Variants in FAM20C observed in about 807,000 individuals in gnomAD.
FAM20C encodes extracellular serine/threonine protein kinase FAM20C.
A neutral mutation model predicts 51.5 loss-of-function variants in FAM20C; 40 were observed. That is an observed-to-expected ratio of 0.78 (90% CI 0.60 to 1.01). The LOEUF (loss-of-function observed/expected upper bound fraction) is 1.01. Ranked by LOEUF, FAM20C falls within the 50% of genes least tolerant of loss-of-function variation. The pLI is 0.00. For synonymous variants in FAM20C, 406 were observed against 380.6 expected, an observed-to-expected ratio of 1.07 and a Z score of -0.78; for missense variants, 861 against 844.7, an observed-to-expected ratio of 1.02 and a Z score of -0.24.
chr7:204,826 C>T (rs1786275971), intron 2 of FAM20C, among the ~76,000 whole-genome samples: 1 of 152,192 alleles, frequency 6.6e-6, no homozygotes, highest in Non-Finnish European at 1.5e-5. Context: ...TGTCCCCACA[C>T]TGCCGCTGTT....
At chr7:194,278 C>G (rs1210053973) in intron 1 of FAM20C, 1 of 154,730 alleles carries the variant, frequency 6.5e-6, no homozygotes, top group African/African-American at 2.4e-5. Flanking sequence ...TGCTGGCAGC[C>G]GTGAGGTGCA....
intron 1 of FAM20C, among the ~76,000 whole-genome samples, chr7:194,734 G>A (rs1332394993): frequency 6.6e-6 from 1 of 152,128 alleles, no homozygotes; most frequent in Non-Finnish European, 1.5e-5. Context: ...GGGAGAGACG[G>A]CCGCCCAGAG....
In FAM20C at chr7:255,717, TG is replaced by T. The variant is rs36173688; in HGVS notation, c.1073-128del. The T allele has an allele frequency of 4.4e-6, 4 of 914,678 alleles. No homozygotes were observed. In the East Asian group the frequency reaches 1.1e-4, roughly 24 times the overall value. 56.7% of individuals were successfully genotyped at this position (914,678 alleles called of 1,614,324 possible). On this transcript the variant is annotated intron_variant, in intron 5 of 9. Transcript: ENST00000313766. ...GGGTGGAGGTGTTTGCTGGGATTGA[TG>T]GGGAACTGTGGGTGAGTCCTGCCCA...
In FAM20C at chr7:207,175, G is replaced by C. The variant is rs191782354; in HGVS notation, c.785-1723G>C. On this transcript the variant is annotated intron_variant, in intron 2 of 9. Coordinates refer to ENST00000313766, the MANE Select transcript of FAM20C (RefSeq NM_020223.4). Reference sequence around the variant, plus strand: ...CGCCCTGCACACGTATCCACTGTGAGGCGTCGGTCACGGTCCCCTCGGCCC... The same window carrying C: ...CGCCCTGCACACGTATCCACTGTGACGCGTCGGTCACGGTCCCCTCGGCCC... Among the ~76,000 whole-genome samples the C allele has an allele frequency of 1.5e-3, 20 of 13,528 alleles. 3 individuals carry two copies. Among genetic ancestry groups the C allele is most frequent in the Non-Finnish European group, 2.3e-3 (16 of 6,840 alleles). The allele number at this position is 13,528 out of a possible 152,430, so 8.9% of individuals were successfully genotyped here. A position where few individuals can be genotyped will look rare whatever the true frequency, so the allele number is the denominator to read the frequency against.
Position 226,863 on chromosome 7 carries a change from C to G in FAM20C, c.863+17887C>G, listed in dbSNP as rs1225136476. 5.9e-5 allele frequency among the ~76,000 whole-genome samples: 9 copies of G among 152,204 alleles called. No individual in the cohort carries two copies. In the South Asian group the frequency reaches 1.7e-3, roughly 28 times the overall value. On this transcript the variant is annotated intron_variant, in intron 3 of 9. Coordinates refer to ENST00000313766, the MANE Select transcript of FAM20C (RefSeq NM_020223.4). ...CAATTATGTAACCATTGCAGAGAAT[C>G]TGACAGGGAAATGAATAAATGGTAA... is the stretch of plus-strand genomic sequence containing the variant.
Position 252,913 on chromosome 7 carries a change from A to T in FAM20C, c.1073-2936A>T, listed in dbSNP as rs557628320. ...CGTCTGCACGTTGCAAACGTCCCAGAGGTGCACAGGTCATCCGTGCACAGC... is the reference window on the plus strand; with the variant it reads ...CGTCTGCACGTTGCAAACGTCCCAGTGGTGCACAGGTCATCCGTGCACAGC... On this transcript the variant is annotated intron_variant, in intron 5 of 9. Coordinates refer to ENST00000313766, the MANE Select transcript of FAM20C (RefSeq NM_020223.4). Among the ~76,000 whole-genome samples the T allele has an allele frequency of 4.1e-4, 63 of 152,362 alleles. 1 individual carries two copies. The highest frequency in any genetic ancestry group is 1.5e-3 in the African/African-American group (63 of 41,596).
At chr7:212,517 C>T (rs776882682) in intron 3 of FAM20C, among the ~76,000 whole-genome samples, 25 of 152,268 alleles carry the variant, frequency 1.6e-4, no homozygotes, top group African/African-American at 3.9e-4. Flanking sequence ...CATCACGGCT[C>T]GGTGAGTTCC....
Position 255,988 on chromosome 7 carries a change from GA to G in FAM20C, c.1214del (p.Asn405ThrfsTer25). 1 of 1,536,114 alleles carries G rather than the reference GA, an allele frequency of 6.5e-7. No homozygotes were observed. Among genetic ancestry groups the G allele is most frequent in the Non-Finnish European group, 8.7e-7 (1 of 1,146,804 alleles). On this transcript the variant is annotated frameshift_variant, in exon 6 of 10. Coordinates refer to ENST00000313766, the MANE Select transcript of FAM20C (RefSeq NM_020223.4). LOFTEE classifies it high-confidence loss of function. ...CCCTGGCCAAGAGGAAGACCTGGCGGAACCCTTGGCGGCGTTCCTACCACAA... is the reference window on the plus strand; with the variant it reads ...CCCTGGCCAAGAGGAAGACCTGGCGGACCCTTGGCGGCGTTCCTACCACAA... ...LSLAKRKTWR[N>X]PWRRSYHKRK...
At chr7:242,332 T>C (rs1787970703) in intron 3 of FAM20C, among the ~76,000 whole-genome samples, 2 of 152,174 alleles carry the variant, frequency 1.3e-5, no homozygotes, top group African/African-American at 4.8e-5. Flanking sequence ...GACGCGGATC[T>C]GACAAATGCC....
intron 6 of FAM20C, 40 bp downstream of exon 6, chr7:256,069 C>T (rs1024818745): frequency 1.2e-5 from 19 of 1,526,130 alleles, no homozygotes; most frequent in Middle Eastern, 2.1e-4. Flanking sequence ...GGCCACCCTA[C>T]GGCAGAGGGA....
At position 256,734 on chromosome 7, in the gene FAM20C, T is replaced by C. The variant is rs1450731375; in HGVS notation, c.1334T>C (p.Met445Thr). 1.2e-5 allele frequency: 18 copies of C among 1,536,072 alleles called. No individual in the cohort carries two copies. The highest frequency in any genetic ancestry group is 3.6e-5 in the South Asian group (3 of 84,072). Residue 445 changes from methionine to threonine, a missense_variant, in exon 7 of 10, where the codon ATG (methionine) becomes ACG (threonine). Around this residue, in one of 3 missense-constraint regions of FAM20C, gnomAD observed 269 missense variants for 283.8 expected, o/e 0.95. Transcript: ENST00000313766. ...YDSSHRILDV[M>T]DMTIFDFLMG... is the part of the protein sequence containing the mutation. ...AGCAGCCACCGCATCCTGGACGTCA[T>C]GGACATGACGATCTTCGACTTCCTC... is the stretch of plus-strand genomic sequence containing the variant.
In FAM20C at chr7:204,312, CAGTGTTTTGGAGAGAAATGAGA is replaced by C. The variant is rs1207680540; in HGVS notation, c.785-4585_785-4564del. 3.2e-4 allele frequency among the ~76,000 whole-genome samples: 48 copies of C among 152,370 alleles called. No individual in the cohort carries two copies. In the Middle Eastern group the frequency reaches 0.014, roughly 43 times the overall value. On this transcript the variant is annotated intron_variant, in intron 2 of 9. Coordinates refer to ENST00000313766, the MANE Select transcript of FAM20C (RefSeq NM_020223.4). ...CTGAGGCTGGCGTTCAGGTTCTGTG[CAGTGTTTTGGAGAGAAATGAGA>C]TTCGTTGCTGCTTCCTTCACCTGAG...
chr7:212,622 G>T (rs1786775207), intron 3 of FAM20C, among the ~76,000 whole-genome samples: 1 of 151,866 alleles, frequency 6.6e-6, no homozygotes, highest in South Asian at 2.1e-4. Context: ...GCGGTGAGGT[G>T]GGGGCCAGCC....
chr7:230,262 C>T (rs1787606684), intron 3 of FAM20C, among the ~76,000 whole-genome samples: 1 of 151,592 alleles, frequency 6.6e-6, no homozygotes, highest in Non-Finnish European at 1.5e-5. Context: ...CCCAGGAGCT[C>T]CTGGAGCCCC....
At chr7:229,164 G>C (rs1787564810) in intron 3 of FAM20C, 2 of 285,758 alleles carry the variant, frequency 7.0e-6, no homozygotes, top group African/African-American at 4.3e-5. Context: ...AGCACCTCCG[G>C]GTTTGTGTGA....
intron 3 of FAM20C, among the ~76,000 whole-genome samples, chr7:230,460 T>C (rs1291856236): frequency 1.3e-5 from 2 of 150,050 alleles, no homozygotes; most frequent in Admixed American, 6.7e-5. Context: ...TGGACCTCTG[T>C]GTCCCGGCGT....
intron 5 of FAM20C, among the ~76,000 whole-genome samples, chr7:252,006 C>G (rs370325848): frequency 1.3e-5 from 2 of 152,358 alleles, no homozygotes; most frequent in East Asian, 3.9e-4. Context: ...CTTCCAGAAG[C>G]CTCTGTGAGC....
chr7:229,447 TG>T (rs149462614), intron 3 of FAM20C: 4,168 of 160,180 alleles, frequency 0.026, 202 homozygotes, highest in African/African-American at 0.094. Context: ...GTCCAGGTCC[TG>T]GCCGAGCCCA....
chr7:243,937 TAA>T (rs1491504619), intron 3 of FAM20C, among the ~76,000 whole-genome samples: 15 of 130,942 alleles, frequency 1.1e-4, no homozygotes, highest in African/African-American at 3.0e-4. Flanking sequence ...ATAATAATAA[TAA>T]TAATAATTAT....
Sources: gnomAD v4.1 joint callset for allele counts (sites outside exome capture counted in the v4.1 genomes callset) on GRCh38, gnomAD v4.1.1 for gene constraint, gnomAD v4.1.1 regional missense constraint, MANE v1.5 for transcripts, NCBI Gene and HGNC (gene_info 2026-07-23, HGNC 2026-07-21) for gene names.